The following SUCLG2 variants were observed in gnomAD, a reference collection of about 807,000 sequenced individuals.
SUCLG2 encodes the protein succinate--CoA ligase [GDP-forming] subunit beta, mitochondrial.
A neutral mutation model predicts 47.9 loss-of-function variants in SUCLG2; 42 were observed. That is an observed-to-expected ratio of 0.88 (90% CI 0.69 to 1.14). The LOEUF (loss-of-function observed/expected upper bound fraction) is 1.14. SUCLG2 is among the 50% of genes most tolerant of loss of function. SUCLG2 has a pLI of 0.00. For missense variants in SUCLG2, 571 were observed against 525.9 expected (o/e 1.09, Z -0.84); for synonymous variants, 195 against 197.3 (o/e 0.99, Z 0.10).
At position 67,628,106 on chromosome 3, in the gene SUCLG2, C is replaced by G. The variant is rs77134465; in HGVS notation, c.85-18510G>C. 8.9e-3 allele frequency among the ~76,000 whole-genome samples: 1,355 copies of G among 152,156 alleles called. 11 individuals are homozygous for G. Among genetic ancestry groups the G allele is most frequent in the Non-Finnish European group, 0.014 (978 of 68,018 alleles). Reference sequence around the variant, plus strand: ...TAGTCTCTATCTTTCTAACTGGACCCCAAATGATAAAAGCAGGAATAGGAA... The same window carrying G: ...TAGTCTCTATCTTTCTAACTGGACCGCAAATGATAAAAGCAGGAATAGGAA... On this transcript the variant is annotated intron_variant, in intron 1 of 10. Coordinates refer to ENST00000307227, the MANE Select transcript of SUCLG2 (RefSeq NM_003848.4).
At chr3:67,640,089 A>C (rs533571044) in intron 1 of SUCLG2, among the ~76,000 whole-genome samples, 13 of 152,344 alleles carry the variant, frequency 8.5e-5, no homozygotes, top group Admixed American at 7.8e-4. Context: ...CCTAAGCTGA[A>C]GATCTTAAAA....
At chr3:67,416,311 G>C (rs555178406) in intron 9 of SUCLG2, among the ~76,000 whole-genome samples, 1 of 152,154 alleles carries the variant, frequency 6.6e-6, no homozygotes, top group Non-Finnish European at 1.5e-5. Context: ...TGAATAAAAT[G>C]TATATGCTTT....
intron 2 of SUCLG2, among the ~76,000 whole-genome samples, chr3:67,564,907 A>G (rs1187529298): frequency 1.3e-5 from 2 of 152,140 alleles, no homozygotes; most frequent in African/African-American, 4.8e-5. Context: ...TAATCTTAGA[A>G]CAATATTTTT....
chr3:67,450,228 G>C (rs1429884923), intron 9 of SUCLG2, among the ~76,000 whole-genome samples: 5 of 152,100 alleles, frequency 3.3e-5, no homozygotes, highest in Admixed American at 3.3e-4. Context: ...ATTTTTTTGA[G>C]ATGAGGTTTT....
At chr3:67,492,983 T>A (rs1705240189) in intron 9 of SUCLG2, among the ~76,000 whole-genome samples, 1 of 152,224 alleles carries the variant, frequency 6.6e-6, no homozygotes, top group Non-Finnish European at 1.5e-5. Context: ...GTTGTAAATA[T>A]CAGTTGATAA....
At chr3:67,585,663 A>C (rs1707995681) in intron 2 of SUCLG2, among the ~76,000 whole-genome samples, 1 of 152,074 alleles carries the variant, frequency 6.6e-6, no homozygotes, top group South Asian at 2.1e-4. Context: ...TCCCTTGTCC[A>C]CCAAGAGTAC....
intron 6 of SUCLG2, among the ~76,000 whole-genome samples, chr3:67,515,148 C>T (rs899211005): frequency 1.3e-5 from 2 of 152,208 alleles, no homozygotes; most frequent in African/African-American, 2.4e-5. Flanking sequence ...ACCATATTCA[C>T]ATCACTTTTA....
chr3:67,426,046 A>T (rs537690957), intron 9 of SUCLG2, among the ~76,000 whole-genome samples: 22 of 152,356 alleles, frequency 1.4e-4, no homozygotes, highest in African/African-American at 5.3e-4. Context: ...TATATGACAC[A>T]ATTCCTATGA....
At chr3:67,593,447 C>T (rs80242575) in intron 2 of SUCLG2, among the ~76,000 whole-genome samples, 4,116 of 152,254 alleles carry the variant, frequency 0.027, 85 homozygotes, top group Middle Eastern at 0.061. Flanking sequence ...ATCGGTCTAA[C>T]ACATCCCCAA....
At chr3:67,561,080 C>T (rs1464027813) in intron 2 of SUCLG2, among the ~76,000 whole-genome samples, 1 of 149,238 alleles carries the variant, frequency 6.7e-6, no homozygotes, top group Admixed American at 6.8e-5. Context: ...ACAAAAAAAT[C>T]CTCTTTGATG....
intron 2 of SUCLG2, among the ~76,000 whole-genome samples, chr3:67,607,283 C>G (rs1700435738): frequency 6.6e-6 from 1 of 152,102 alleles, no homozygotes; most frequent in Non-Finnish European, 1.5e-5. Flanking sequence ...GGAAGTGTAG[C>G]ATTCCAACCA....
rs770720553 is a variant in SUCLG2 at position 67,461,492 on chromosome 3, ATATTATG to A, written c.1062+34299_1062+34305del. Among the ~76,000 whole-genome samples the A allele has an allele frequency of 1.3e-3, 201 of 152,110 alleles. 1 individual carries two copies. The highest frequency in any genetic ancestry group is 1.8e-3 in the Non-Finnish European group (120 of 67,986). On this transcript the variant is annotated intron_variant, in intron 9 of 10. Coordinates refer to ENST00000307227, the MANE Select transcript of SUCLG2 (RefSeq NM_003848.4). ...GTGCATTTAATATTTTCGGAATCAT[ATATTATG>A]TATCAGGTACTGGGAAAACAGAGAT...
chr3:67,449,952 GAGAAC>G (rs1261853025), intron 9 of SUCLG2, among the ~76,000 whole-genome samples: 1 of 152,092 alleles, frequency 6.6e-6, no homozygotes, highest in African/African-American at 2.4e-5. Context: ...TATTTGAAAA[GAGAAC>G]AGTATCACTA....
At chr3:67,470,059 A>G (rs908630514) in intron 9 of SUCLG2, among the ~76,000 whole-genome samples, 2 of 152,130 alleles carry the variant, frequency 1.3e-5, no homozygotes, top group African/African-American at 4.8e-5. Flanking sequence ...AAAAAAAAAA[A>G]AAAAATGTTG....
chr3:67,587,499 G>C (rs1215416073), intron 2 of SUCLG2, among the ~76,000 whole-genome samples: 1 of 152,166 alleles, frequency 6.6e-6, no homozygotes, highest in Non-Finnish European at 1.5e-5. Context: ...AGTGACAAAT[G>C]AATGTTGAAA....
At chr3:67,401,620 T>A (rs1467597903) in intron 9 of SUCLG2, among the ~76,000 whole-genome samples, 1 of 145,928 alleles carries the variant, frequency 6.9e-6, no homozygotes. Context: ...ACTTGATAAC[T>A]AGGCATAAGA....
intron 10 of SUCLG2, among the ~76,000 whole-genome samples, chr3:67,385,160 G>C (rs1277732553): frequency 6.6e-6 from 1 of 152,198 alleles, no homozygotes; most frequent in African/African-American, 2.4e-5. Flanking sequence ...AGATACCCGA[G>C]AGCACGCAGT....
At chr3:67,472,270 C>T (rs1704623444) in intron 9 of SUCLG2, among the ~76,000 whole-genome samples, 1 of 152,162 alleles carries the variant, frequency 6.6e-6, no homozygotes, top group Non-Finnish European at 1.5e-5. Flanking sequence ...TTACTACTGA[C>T]TTGTACATTA....
In SUCLG2 at chr3:67,520,591, A is replaced by C; in HGVS notation, c.461T>G (p.Leu154Arg). The C allele has an allele frequency of 3.1e-6, 5 of 1,613,888 alleles. No individual in the cohort carries two copies. The highest frequency in any genetic ancestry group is 4.2e-6 in the Non-Finnish European group (5 of 1,179,912). The part of the protein sequence containing the change: ...EALDISRETY[L>R]AILMDRSCNG... ...GCAGGACCGGTCCATCAGAATTGCCAGGTAGGTTTCTCTGGAAATATCCAA... is the reference window on the plus strand; with the variant it reads ...GCAGGACCGGTCCATCAGAATTGCCCGGTAGGTTTCTCTGGAAATATCCAA... Residue 154 changes from leucine (L) to arginine (R), a missense_variant, in exon 5 of 11, where the codon CTG becomes CGG. Transcript: ENST00000307227.
Sources: allele counts gnomAD v4.1 joint callset (sites outside exome capture counted in the v4.1 genomes callset), GRCh38; gene constraint gnomAD v4.1.1; transcripts MANE v1.5; gene names NCBI Gene and HGNC (gene_info 2026-07-23, HGNC 2026-07-21).